GRIK1: variants seen among roughly 807,000 people sequenced by gnomAD.
GRIK1 encodes the protein glutamate receptor ionotropic, kainate 1.
Under a neutral mutation model 105.7 loss-of-function variants are expected in GRIK1, and 69 were observed. That is an observed-to-expected ratio of 0.65 (90% CI 0.54 to 0.80). The LOEUF is 0.80. GRIK1 is among the 30% of genes least tolerant of loss of function. GRIK1 has a pLI of 0.00. For synonymous variants in GRIK1, 438 were observed against 431.3 expected, an observed-to-expected ratio of 1.02 and a Z score of -0.19; for missense variants, 1,109 against 1,167.3, an observed-to-expected ratio of 0.95 and a Z score of 0.73.
At chr21:29,671,448 A>C (rs2063159041) in intron 4 of GRIK1, among the ~76,000 whole-genome samples, 2 of 151,916 alleles carry the variant, frequency 1.3e-5, no homozygotes, top group Admixed American at 1.3e-4. Flanking sequence ...ACATAATAGA[A>C]ACATTTGGTC....
chr21:29,793,119 G>T (rs181353450), intron 1 of GRIK1, among the ~76,000 whole-genome samples: 28 of 152,236 alleles, frequency 1.8e-4, no homozygotes, highest in Non-Finnish European at 3.8e-4. Flanking sequence ...ACATATTCAG[G>T]AGGAGGATGG....
intron 1 of GRIK1, among the ~76,000 whole-genome samples, chr21:29,788,812 A>T (rs762703559): frequency 4.6e-5 from 7 of 152,190 alleles, no homozygotes; most frequent in Non-Finnish European, 7.3e-5. Flanking sequence ...GATCCCTCAC[A>T]TGCACAATTC....
rs115556579 is a variant in GRIK1 at position 29,543,821 on chromosome 21, T to G, written c.2608-5937A>C. On this transcript the variant is annotated intron_variant, in intron 16 of 17. Coordinates refer to ENST00000327783, the MANE Select transcript of GRIK1 (RefSeq NM_001330994.2). The stretch of plus-strand genomic sequence containing the variant: ...CACCTGTGACCCAGCAGCCACGTCT[T>G]GCCTGGCCCGTTTTCTTGCAACTTT... Among the ~76,000 whole-genome samples the G allele has an allele frequency of 8.3e-3, 1,268 of 152,330 alleles. 20 individuals carry two copies. Among genetic ancestry groups the G allele is most frequent in the African/African-American group, 0.03 (1,229 of 41,570 alleles).
At chr21:29,657,362 G>C (rs938098157) in intron 4 of GRIK1, 1 of 152,100 alleles carries the variant, frequency 6.6e-6, no homozygotes, top group African/African-American at 2.4e-5. Context: ...CCATTTAACT[G>C]ATTATTTTTA....
intron 7 of GRIK1, among the ~76,000 whole-genome samples, chr21:29,599,158 A>G (rs2061471675): frequency 6.6e-6 from 1 of 152,192 alleles, no homozygotes; most frequent in Non-Finnish European, 1.5e-5. Flanking sequence ...ACCCAGTCAA[A>G]CCTGTCATCG....
chr21:29,835,214 G>C (rs1168628052), intron 1 of GRIK1, among the ~76,000 whole-genome samples: 1 of 152,080 alleles, frequency 6.6e-6, no homozygotes, highest in African/African-American at 2.4e-5. Context: ...AAATTTCATG[G>C]GGACTTACCT....
intron 13 of GRIK1, among the ~76,000 whole-genome samples, chr21:29,577,667 G>A (rs2090927719): frequency 6.6e-6 from 1 of 151,988 alleles, no homozygotes; most frequent in South Asian, 2.1e-4. Flanking sequence ...TAAAACATTG[G>A]GATTTTACAA....
At chr21:29,879,707 A>G (rs1481767195) in intron 1 of GRIK1, among the ~76,000 whole-genome samples, 1 of 152,144 alleles carries the variant, frequency 6.6e-6, no homozygotes, top group Non-Finnish European at 1.5e-5. Context: ...CCATCTAAAG[A>G]CATTTTAGGA....
intron 14 of GRIK1, among the ~76,000 whole-genome samples, chr21:29,575,658 C>A (rs1325818372): frequency 2.0e-5 from 3 of 151,916 alleles, no homozygotes; most frequent in Non-Finnish European, 4.4e-5. Context: ...ATGGTGAAAC[C>A]CTGTCTCTAC....
At chr21:29,778,781 A>C (rs1011092228) in intron 1 of GRIK1, among the ~76,000 whole-genome samples, 4 of 152,210 alleles carry the variant, frequency 2.6e-5, no homozygotes, top group African/African-American at 4.8e-5. Flanking sequence ...ATGACCTCAC[A>C]GATGGAAATC....
chr21:29,613,192 C>T (rs1161539526), intron 7 of GRIK1, among the ~76,000 whole-genome samples: 1 of 152,210 alleles, frequency 6.6e-6, no homozygotes, highest in Admixed American at 6.5e-5. Flanking sequence ...TCTTGACCTA[C>T]TTAAGATCTC....
chr21:29,537,136 A>G lies in GRIK1; in HGVS notation c.*94T>C. ...TTCATAATCAGAGTTATGGATATAGATATATGGAAACACATCACACACTCC... is the reference window on the plus strand; with the variant it reads ...TTCATAATCAGAGTTATGGATATAGGTATATGGAAACACATCACACACTCC... On this transcript the variant is annotated 3_prime_UTR_variant, in exon 18 of 18. Transcript: ENST00000327783. 3 of 761,114 alleles carry G rather than the reference A, an allele frequency of 3.9e-6. No individual in the cohort carries two copies. Among genetic ancestry groups the G allele is most frequent in the Middle Eastern group, 2.8e-4 (1 of 3,630 alleles). 47.1% of individuals were successfully genotyped at this position (761,114 alleles called of 1,614,324 possible).
At chr21:29,930,242 TA>T (rs2071520903) in intron 1 of GRIK1, among the ~76,000 whole-genome samples, 1 of 152,176 alleles carries the variant, frequency 6.6e-6, no homozygotes, top group African/African-American at 2.4e-5. Context: ...TCTATCTCAT[TA>T]ATCCATTTTT....
chr21:29,680,299 T>G (rs1317626678), intron 3 of GRIK1, among the ~76,000 whole-genome samples: 1 of 152,190 alleles, frequency 6.6e-6, no homozygotes, highest in African/African-American at 2.4e-5. Context: ...GAGGACATGA[T>G]CATATATAAT....
chr21:29,780,197 T>C (rs1298307700), intron 1 of GRIK1, among the ~76,000 whole-genome samples: 1 of 152,178 alleles, frequency 6.6e-6, no homozygotes, highest in African/African-American at 2.4e-5. Context: ...AATTAGTAAG[T>C]GTTAGTTGGA....
intron 5 of GRIK1, 99 bp downstream of exon 5, chr21:29,654,711 G>T: frequency 1.3e-6 from 1 of 765,684 alleles, no homozygotes; most frequent in South Asian, 1.4e-5. Flanking sequence ...AAGTCTCCAT[G>T]ACAATATCCT....
chr21:29,810,756 G>A (rs1469970249), intron 1 of GRIK1, among the ~76,000 whole-genome samples: 1 of 152,132 alleles, frequency 6.6e-6, no homozygotes, highest in Non-Finnish European at 1.5e-5. Flanking sequence ...AGCAATAGCT[G>A]ATTCAAAATT....
At chr21:29,707,661 A>G (rs1384869779) in intron 1 of GRIK1, among the ~76,000 whole-genome samples, 1 of 151,342 alleles carries the variant, frequency 6.6e-6, no homozygotes, top group African/African-American at 2.4e-5. Context: ...ACACCCAGCT[A>G]ATTTTGTATT....
intron 1 of GRIK1, among the ~76,000 whole-genome samples, chr21:29,825,064 TG>T (rs570518226): frequency 1.3e-5 from 2 of 152,200 alleles, no homozygotes; most frequent in South Asian, 4.1e-4. Flanking sequence ...TTTTAATAAA[TG>T]ATTAAAGATT....
Sources: gnomAD v4.1 joint callset for allele counts (sites outside exome capture counted in the v4.1 genomes callset) on GRCh38, gnomAD v4.1.1 for gene constraint, MANE v1.5 for transcripts, NCBI Gene and HGNC (gene_info 2026-07-23, HGNC 2026-07-21) for gene names.